Variants in DCUN1D4 observed in about 807,000 individuals in gnomAD.
DCUN1D4 encodes DCN1-like protein 4.
Under a neutral mutation model 47.9 loss-of-function variants are expected in DCUN1D4, and 22 were observed. The observed-to-expected ratio is 0.46, with a 90% CI of 0.33 to 0.66. DCUN1D4 has a LOEUF of 0.66. Among genes scored for constraint, DCUN1D4 ranks in the 30% least tolerant of loss-of-function variants. The pLI is 0.02. For missense variants in DCUN1D4, 301 were observed against 340.8 expected, an observed-to-expected ratio of 0.88 and a Z score of 0.92; for synonymous variants, 121 against 112.2, an observed-to-expected ratio of 1.08 and a Z score of -0.50.
chr4:51,886,714 A>G (rs1729532082), intron 6 of DCUN1D4, 76 bp downstream of exon 6: 2 of 1,227,310 alleles, frequency 1.6e-6, no homozygotes, highest in Admixed American at 3.6e-5. Context: ...TAGCAAATAA[A>G]TAAATAATTA....
intron 1 of DCUN1D4, among the ~76,000 whole-genome samples, chr4:51,846,775 G>A (rs867653492): frequency 1.3e-5 from 2 of 152,132 alleles, no homozygotes; most frequent in African/African-American, 4.8e-5. Flanking sequence ...TCTAAAGCTG[G>A]TGCAGTGGCT....
chr4:51,908,092 TTTAGAGTAGGATCC>T (rs1316177629), intron 8 of DCUN1D4, among the ~76,000 whole-genome samples: 1 of 152,192 alleles, frequency 6.6e-6, no homozygotes, highest in Non-Finnish European at 1.5e-5. Context: ...ACGTAGAATA[TTTAGAGTAGGATCC>T]TTTGGTTTTG....
At chr4:51,889,819 G>A (rs563332633) in intron 6 of DCUN1D4, among the ~76,000 whole-genome samples, 2 of 152,004 alleles carry the variant, frequency 1.3e-5, no homozygotes, top group South Asian at 4.2e-4. Context: ...CATCTTTTTG[G>A]GAAATTCTTA....
At chr4:51,863,316 T>G in intron 1 of DCUN1D4, 121 bp from the exon 2 acceptor site, 1 of 796,048 alleles carries the variant, frequency 1.3e-6, no homozygotes, top group East Asian at 2.7e-5. Flanking sequence ...TTAAAAAACT[T>G]TAGTGTCAAA....
intron 1 of DCUN1D4, chr4:51,843,503 G>A (rs1247729731): frequency 4.6e-6 from 6 of 1,291,902 alleles, no homozygotes; most frequent in Non-Finnish European, 3.9e-6. Context: ...GGTGAGGGGG[G>A]TGGGGACTGG....
At chr4:51,877,886 T>G in intron 5 of DCUN1D4, 32 bp downstream of exon 5, 1 of 1,408,388 alleles carries the variant, frequency 7.1e-7, no homozygotes, top group South Asian at 1.2e-5. Flanking sequence ...CTAAGACTGA[T>G]CCTTATGACA....
At position 51,891,773 on chromosome 4, in the gene DCUN1D4, T is replaced by C; in HGVS notation, c.428T>C (p.Val143Ala). ...TTTTTTTAACAGGTAGTTATGCTTG[T>C]CCTAGCTTGGAAATTGGATGCACAA... is the stretch of plus-strand genomic sequence containing the variant. ...GVEPENVVMLVLAWKLDAQNM... is the reference protein window; with the variant it reads ...GVEPENVVMLALAWKLDAQNM... Residue 143 changes from valine to alanine, a missense_variant, in exon 7 of 11, where the codon GTC becomes GCC. Transcript: ENST00000334635. 1 of 1,612,700 alleles carries C rather than the reference T, an allele frequency of 6.2e-7. No individual in the cohort carries two copies. Among genetic ancestry groups the C allele is most frequent in the Non-Finnish European group, 8.5e-7 (1 of 1,179,320 alleles).
chr4:51,871,132 T>TAAA (rs397954672), intron 3 of DCUN1D4, among the ~76,000 whole-genome samples: 5 of 139,394 alleles, frequency 3.6e-5, no homozygotes, highest in African/African-American at 2.6e-5. Flanking sequence ...GTGGAGAGAT[T>TAAA]AAAAAAAAAA....
chr4:51,867,040 C>T (rs1050772499), intron 3 of DCUN1D4, among the ~76,000 whole-genome samples: 4 of 152,208 alleles, frequency 2.6e-5, no homozygotes, highest in African/African-American at 9.6e-5. Context: ...AGCAAGCACC[C>T]GCTCCAATCA....
At chr4:51,867,967 C>G (rs768761147) in intron 3 of DCUN1D4, among the ~76,000 whole-genome samples, 11 of 152,260 alleles carry the variant, frequency 7.2e-5, no homozygotes, top group Non-Finnish European at 1.6e-4. Context: ...TCGGCTTCCC[C>G]CTCGTGCTTG....
chr4:51,838,640 CCGAA>C (rs1721555376), upstream of DCUN1D4, among the ~76,000 whole-genome samples: 1 of 152,168 alleles, frequency 6.6e-6, no homozygotes, highest in African/African-American at 2.4e-5. Flanking sequence ...ACCTCAGCCT[CCGAA>C]AGTGCTGGGG....
intron 5 of DCUN1D4, chr4:51,884,410 C>A (rs1729147735): frequency 6.6e-6 from 1 of 151,338 alleles, no homozygotes; most frequent in African/African-American, 2.5e-5. Context: ...GCACCCTAGG[C>A]AACTACTGCA....
intron 5 of DCUN1D4, among the ~76,000 whole-genome samples, chr4:51,884,699 T>G (rs982214624): frequency 2.0e-5 from 3 of 152,182 alleles, no homozygotes; most frequent in African/African-American, 7.2e-5. Context: ...GCTGGGACTT[T>G]GAATGCAGTG....
chr4:51,897,012 T>TA (rs1187579807), intron 7 of DCUN1D4, among the ~76,000 whole-genome samples: 3 of 152,208 alleles, frequency 2.0e-5, no homozygotes, highest in Non-Finnish European at 4.4e-5. Context: ...CTGTTGGACT[T>TA]ACCATACTCC....
chr4:51,873,233 T>A (rs531559742), intron 3 of DCUN1D4, among the ~76,000 whole-genome samples: 1 of 152,252 alleles, frequency 6.6e-6, no homozygotes, highest in Non-Finnish European at 1.5e-5. Flanking sequence ...ATTCACCACT[T>A]CTCACTCCTG....
intron 8 of DCUN1D4, among the ~76,000 whole-genome samples, chr4:51,905,507 T>C (rs148174319): frequency 2.8e-4 from 42 of 152,362 alleles, no homozygotes; most frequent in African/African-American, 1.0e-3. Flanking sequence ...AATTTTATTA[T>C]ATAAACAATT....
chr4:51,901,293 C>G (rs892065038), intron 8 of DCUN1D4, among the ~76,000 whole-genome samples: 2 of 152,134 alleles, frequency 1.3e-5, no homozygotes, highest in Non-Finnish European at 2.9e-5. Flanking sequence ...TGGTTTCAGT[C>G]CACTTTACAG....
intron 3 of DCUN1D4, chr4:51,865,670 T>A (rs1725801750): frequency 6.6e-6 from 1 of 152,242 alleles, no homozygotes; most frequent in Non-Finnish European, 1.5e-5. Flanking sequence ...CGTGTTATAG[T>A]GTGTTTTTCT....
intron 1 of DCUN1D4, among the ~76,000 whole-genome samples, chr4:51,846,708 G>A (rs1035762042): frequency 2.0e-5 from 3 of 152,128 alleles, no homozygotes; most frequent in African/African-American, 7.2e-5. Context: ...TCAAATTAAT[G>A]GCTTAAATAA....
Sources: gnomAD v4.1 joint callset for allele counts (sites outside exome capture counted in the v4.1 genomes callset) on GRCh38, gnomAD v4.1.1 for gene constraint, MANE v1.5 for transcripts, NCBI Gene and HGNC (gene_info 2026-07-23, HGNC 2026-07-21) for gene names.